The following GRM5 variants were observed in gnomAD, a reference collection of about 807,000 sequenced individuals.
The protein encoded by GRM5 is glutamate metabotropic receptor 5.
In GRM5, 19 loss-of-function variants were observed where a neutral mutation model predicts 83.1. The ratio of observed to expected loss-of-function variants is 0.23; its 90% CI spans 0.16 to 0.34. The LOEUF (loss-of-function observed/expected upper bound fraction) is 0.34. GRM5 is among the 10% of genes least tolerant of loss of function. The pLI is 1.00. For synonymous variants in GRM5, 675 were observed against 633.6 expected (o/e 1.07, Z -0.98); for missense variants, 1,160 against 1,588.3 (o/e 0.73, Z 4.58).
intron 4 of GRM5, among the ~76,000 whole-genome samples, chr11:88,637,221 T>C (rs748232447): frequency 1.7e-3 from 262 of 152,206 alleles, no homozygotes; most frequent in Non-Finnish European, 3.1e-3. Context: ...ACCTAGGCAT[T>C]ACCATTCAGG....
rs188793235 is a variant in GRM5 at position 88,926,043 on chromosome 11, G to T, written c.662-75888C>A. ...ATCAAGCACATGAAATCCAAATTCTGGTCCTGTAAATACAAATGTCCAGCC... is the reference window on the plus strand; with the variant it reads ...ATCAAGCACATGAAATCCAAATTCTTGTCCTGTAAATACAAATGTCCAGCC... On this transcript the variant is annotated intron_variant, in intron 2 of 9. Transcript: ENST00000305447. Among the ~76,000 whole-genome samples the T allele has an allele frequency of 4.2e-3, 639 of 152,232 alleles. 6 individuals are homozygous for T. The highest frequency in any genetic ancestry group is 0.015 in the African/African-American group (605 of 41,550).
intron 8 of GRM5, among the ~76,000 whole-genome samples, chr11:88,528,762 T>C (rs1430742876): frequency 6.6e-6 from 1 of 152,060 alleles, no homozygotes; most frequent in Non-Finnish European, 1.5e-5. Context: ...TGACAAAATA[T>C]TGAGCATGCC....
At chr11:88,775,457 T>G (rs528770918) in intron 3 of GRM5, among the ~76,000 whole-genome samples, 1 of 152,314 alleles carries the variant, frequency 6.6e-6, no homozygotes, top group Non-Finnish European at 1.5e-5. Context: ...TGCTCTGATC[T>G]TAGTTATTTC....
At position 88,508,969 on chromosome 11, in the gene GRM5, C is replaced by T. The variant is rs767986603; in HGVS notation, c.3262G>A (p.Gly1088Ser). 2 of 1,588,090 alleles carry T rather than the reference C, an allele frequency of 1.3e-6. No individual in the cohort carries two copies. The highest frequency in any genetic ancestry group is 1.7e-6 in the Non-Finnish European group (2 of 1,167,302). Residue 1088 changes from glycine (G) to serine (S), a missense_variant, in exon 10 of 10, where the codon GGC (glycine) becomes AGC (serine). Physicochemically the swap from Gly to Ser is moderately conservative, Grantham distance 56. This residue lies in a region of GRM5 where 562 missense variants were observed against 532.4 expected (regional missense o/e 1.06). Transcript: ENST00000305447. The surrounding 1 kb of genome is among the most constrained non-coding windows in gnomAD (Gnocchi z 4.2). ...MMLSTAAPSPGVGAPLCSSYL... is the reference protein window; with the variant it reads ...MMLSTAAPSPSVGAPLCSSYL... ...GACGAGCAGAGCGGGGCGCCGACGC[C>T]GGGGCTGGGGGCCGCGGTGGACAGC... is the stretch of plus-strand genomic sequence containing the variant.
chr11:88,679,756 T>G (rs1940429715), intron 3 of GRM5, among the ~76,000 whole-genome samples: 1 of 152,194 alleles, frequency 6.6e-6, no homozygotes, highest in African/African-American at 2.4e-5. Flanking sequence ...CAGCAATATC[T>G]CTGTTGCTGT....
intron 3 of GRM5, among the ~76,000 whole-genome samples, chr11:88,833,786 A>G (rs1013551341): frequency 6.6e-6 from 1 of 152,202 alleles, no homozygotes; most frequent in Non-Finnish European, 1.5e-5. Context: ...CTATTAGCGC[A>G]TAACAAATAA....
chr11:88,703,364 G>T (rs1941079658), intron 3 of GRM5, among the ~76,000 whole-genome samples: 1 of 136,382 alleles, frequency 7.3e-6, no homozygotes, highest in African/African-American at 2.5e-5. Context: ...TTGTCACATT[G>T]GGATAGTACT....
intron 6 of GRM5, 130 bp downstream of exon 6, chr11:88,597,052 TGA>T: frequency 1.8e-6 from 1 of 563,468 alleles, no homozygotes; most frequent in Non-Finnish European, 3.0e-6. Context: ...AAGGAATGAG[TGA>T]GAATTTCTGA....
At chr11:88,940,785 A>G (rs887515478) in intron 2 of GRM5, among the ~76,000 whole-genome samples, 7 of 152,128 alleles carry the variant, frequency 4.6e-5, no homozygotes, top group African/African-American at 1.4e-4. Context: ...GAGTATATTG[A>G]AAAAAAGTGA....
At chr11:88,868,942 T>A (rs529302221) in intron 2 of GRM5, among the ~76,000 whole-genome samples, 51 of 151,834 alleles carry the variant, frequency 3.4e-4, no homozygotes, top group African/African-American at 1.1e-3. Flanking sequence ...TTGCTGCTGA[T>A]GAAATCCCAC....
At chr11:89,005,135 G>C (rs1940490368) in intron 2 of GRM5, among the ~76,000 whole-genome samples, 1 of 152,108 alleles carries the variant, frequency 6.6e-6, no homozygotes, top group Non-Finnish European at 1.5e-5. Flanking sequence ...TCTATCTTTG[G>C]ATTTATGCTG....
intron 3 of GRM5, among the ~76,000 whole-genome samples, chr11:88,794,715 A>T (rs1451307278): frequency 6.6e-6 from 1 of 152,226 alleles, no homozygotes; most frequent in Non-Finnish European, 1.5e-5. Context: ...GCAATAAAGA[A>T]GATGATGATG....
intron 4 of GRM5, among the ~76,000 whole-genome samples, chr11:88,617,020 G>C (rs1938503413): frequency 6.6e-6 from 1 of 152,144 alleles, no homozygotes; most frequent in African/African-American, 2.4e-5. Context: ...GTATGACAGG[G>C]TGCCTCAAGG....
rs564848026 is a variant in GRM5, at chr11:88,865,978, C to T, written c.662-15823G>A. Reference sequence around the variant, plus strand: ...TTGGTGGAAGTGTAAATTAGTTCAACCATTGTGGAAGACAGTGTGGCGATT... The same window carrying T: ...TTGGTGGAAGTGTAAATTAGTTCAATCATTGTGGAAGACAGTGTGGCGATT... On this transcript the variant is annotated intron_variant, in intron 2 of 9. Coordinates refer to ENST00000305447, the MANE Select transcript of GRM5 (RefSeq NM_001143831.3). 2.6e-5 allele frequency among the ~76,000 whole-genome samples: 4 copies of T among 152,200 alleles called. No homozygotes were observed. The South Asian group carries it at 6.2e-4, about 24-fold the overall frequency.
chr11:88,728,819 C>G (rs990131677), intron 3 of GRM5, among the ~76,000 whole-genome samples: 6 of 152,138 alleles, frequency 3.9e-5, no homozygotes, highest in African/African-American at 1.4e-4. Context: ...CGATAAAATT[C>G]AACACCCCTT....
At chr11:88,774,382 A>G (rs1353891794) in intron 3 of GRM5, among the ~76,000 whole-genome samples, 1 of 152,202 alleles carries the variant, frequency 6.6e-6, no homozygotes, top group Non-Finnish European at 1.5e-5. Context: ...ACATACAATC[A>G]TGTCATCTGC....
chr11:88,625,875 A>C (rs748115321), intron 4 of GRM5, among the ~76,000 whole-genome samples: 6 of 152,376 alleles, frequency 3.9e-5, no homozygotes, highest in Non-Finnish European at 7.3e-5. Context: ...GATAATTTGT[A>C]GCTTTGGTCA....
At chr11:88,867,405 G>A (rs528719971) in intron 2 of GRM5, among the ~76,000 whole-genome samples, 1 of 151,844 alleles carries the variant, frequency 6.6e-6, no homozygotes, top group South Asian at 2.1e-4. Flanking sequence ...GAAAGAAAGT[G>A]ATGAAAGCAA....
At chr11:88,520,188 T>G (rs975958492) in intron 9 of GRM5, among the ~76,000 whole-genome samples, 2 of 152,184 alleles carry the variant, frequency 1.3e-5, no homozygotes, top group African/African-American at 4.8e-5. Context: ...TAGTATAGTG[T>G]GGGATACATG....
Sources: allele counts gnomAD v4.1 joint callset (sites outside exome capture counted in the v4.1 genomes callset), GRCh38; gene constraint gnomAD v4.1.1; regional missense constraint gnomAD v4.1.1; non-coding constraint Gnocchi (gnomAD v3.1); transcripts MANE v1.5; gene names NCBI Gene and HGNC (gene_info 2026-07-23, HGNC 2026-07-21).